GRK5: variants seen among roughly 807,000 people sequenced by gnomAD.
GRK5 encodes the protein g protein-coupled receptor kinase GRK5.
A neutral mutation model predicts 78.4 loss-of-function variants in GRK5; 40 were observed. The observed-to-expected ratio is 0.51, with a 90% CI of 0.40 to 0.66. The LOEUF is 0.66. Ranked by LOEUF, GRK5 falls within the 30% of genes least tolerant of loss-of-function variation. GRK5 has a pLI of 0.00. For synonymous variants in GRK5, 289 were observed against 296.8 expected, an observed-to-expected ratio of 0.97 and a Z score of 0.27; for missense variants, 598 against 759.9, an observed-to-expected ratio of 0.79 and a Z score of 2.50.
chr10:119,350,281 A>C (rs1292107055), intron 2 of GRK5, among the ~76,000 whole-genome samples: 1 of 152,340 alleles, frequency 6.6e-6, no homozygotes, highest in Admixed American at 6.5e-5. Flanking sequence ...TCAGTGCGGC[A>C]TTTAGCCATG....
chr10:119,429,323 G>T (rs879292124), intron 6 of GRK5, among the ~76,000 whole-genome samples: 1 of 151,592 alleles, frequency 6.6e-6, no homozygotes, highest in Non-Finnish European at 1.5e-5. Flanking sequence ...GGTGACTGAA[G>T]GCTCCCTGGT....
chr10:119,295,874 A>G (rs1245063068), intron 1 of GRK5, among the ~76,000 whole-genome samples: 3 of 152,182 alleles, frequency 2.0e-5, no homozygotes, highest in Non-Finnish European at 4.4e-5. Flanking sequence ...TGGGTGCGCC[A>G]GAATCTCACA....
chr10:119,393,878 G>T (rs919614171), intron 3 of GRK5, among the ~76,000 whole-genome samples: 4 of 152,136 alleles, frequency 2.6e-5, no homozygotes, highest in Admixed American at 6.6e-5. Flanking sequence ...GTCTGTGTGT[G>T]GGTGTCTGTA....
At chr10:119,382,816 A>AT (rs1851734802) in intron 3 of GRK5, among the ~76,000 whole-genome samples, 1 of 152,082 alleles carries the variant, frequency 6.6e-6, no homozygotes, top group Admixed American at 6.6e-5. Flanking sequence ...ATAACCATCC[A>AT]TCCCCCTTTG....
In GRK5 at chr10:119,445,165, G is replaced by C. The variant is rs537879555; in HGVS notation, c.1266+1413G>C. On this transcript the variant is annotated intron_variant, in intron 12 of 15. Coordinates refer to ENST00000392870, the MANE Select transcript of GRK5 (RefSeq NM_005308.3). The surrounding 1 kb of genome is among the most constrained non-coding windows in gnomAD (Gnocchi z 4.1). ...TGGTCATCGCAGCCAGGGCTAGGGTGGGGGGACCGGAGGAGCAGTGCAGCA... is the reference window on the plus strand; with the variant it reads ...TGGTCATCGCAGCCAGGGCTAGGGTCGGGGGACCGGAGGAGCAGTGCAGCA... Among the ~76,000 whole-genome samples, 26 of 152,306 alleles carry C rather than the reference G, an allele frequency of 1.7e-4. No individual in the cohort carries two copies. Among genetic ancestry groups the C allele is most frequent in the East Asian group, 1.2e-3 (6 of 5,186 alleles).
At chr10:119,419,240 C>A (rs1365684794) in intron 4 of GRK5, among the ~76,000 whole-genome samples, 2 of 152,232 alleles carry the variant, frequency 1.3e-5, no homozygotes, top group African/African-American at 4.8e-5. Context: ...CCCCAGAGCC[C>A]TCTGAGCTTC....
chr10:119,332,453 G>T (rs1226501248), intron 2 of GRK5, among the ~76,000 whole-genome samples: 1 of 152,174 alleles, frequency 6.6e-6, no homozygotes, highest in Non-Finnish European at 1.5e-5. Flanking sequence ...GAGCTTTTCA[G>T]ATATCTGCAA....
At chr10:119,242,613 C>T (rs1456849454) in intron 1 of GRK5, among the ~76,000 whole-genome samples, 1 of 150,882 alleles carries the variant, frequency 6.6e-6, no homozygotes, top group Non-Finnish European at 1.5e-5. Context: ...TGAATTGTAA[C>T]CCCCATAATC....
At chr10:119,442,902 A>T (rs1853066544) in intron 11 of GRK5, among the ~76,000 whole-genome samples, 1 of 152,078 alleles carries the variant, frequency 6.6e-6, no homozygotes, top group Non-Finnish European at 1.5e-5. Flanking sequence ...GGGCGGGTGG[A>T]TGGATGGTTG....
intron 1 of GRK5, among the ~76,000 whole-genome samples, chr10:119,279,581 TC>T (rs1849726185): frequency 6.6e-6 from 1 of 152,172 alleles, no homozygotes; most frequent in African/African-American, 2.4e-5. Flanking sequence ...GGCTCCTCAT[TC>T]CTGTTGATGG....
intron 3 of GRK5, among the ~76,000 whole-genome samples, chr10:119,382,905 G>A (rs1431047090): frequency 6.6e-6 from 1 of 151,768 alleles, no homozygotes; most frequent in Admixed American, 6.6e-5. Context: ...CATTTAACAG[G>A]CTCCTCTATA....
intron 2 of GRK5, among the ~76,000 whole-genome samples, chr10:119,335,192 C>T (rs1380366671): frequency 7.4e-6 from 1 of 135,952 alleles, no homozygotes; most frequent in Non-Finnish European, 1.6e-5. Flanking sequence ...CTCCCTCTCC[C>T]CCCACCTCCT....
At position 119,379,338 on chromosome 10, in the gene GRK5, A is replaced by T. The variant is rs910733316; in HGVS notation, c.149-1477A>T. ...TGAGCGATGGGCTGGGATTCAAACC[A>T]AGGCAGTTTAGCTCCAGAGCCCACA... On this transcript the variant is annotated intron_variant, in intron 2 of 15. Coordinates refer to ENST00000392870, the MANE Select transcript of GRK5 (RefSeq NM_005308.3). The surrounding 1 kb of genome is among the most constrained non-coding windows in gnomAD (Gnocchi z 4.1). Among the ~76,000 whole-genome samples the T allele has an allele frequency of 2.0e-5, 3 of 152,114 alleles. No homozygotes were observed. Among genetic ancestry groups the T allele is most frequent in the Admixed American group, 2.0e-4 (3 of 15,268 alleles).
At chr10:119,382,601 T>G (rs988309860) in intron 3 of GRK5, among the ~76,000 whole-genome samples, 13 of 152,192 alleles carry the variant, frequency 8.5e-5, no homozygotes, top group Admixed American at 1.3e-4. Context: ...TATTATCTCA[T>G]CTGTGAACTT....
At chr10:119,371,216 G>A (rs988962936) in intron 2 of GRK5, among the ~76,000 whole-genome samples, 2 of 152,190 alleles carry the variant, frequency 1.3e-5, no homozygotes, top group East Asian at 1.9e-4. Context: ...GCTTCTCCCC[G>A]CTCCCCGTCC....
At chr10:119,239,172 C>G (rs1848979344) in intron 1 of GRK5, among the ~76,000 whole-genome samples, 1 of 151,428 alleles carries the variant, frequency 6.6e-6, no homozygotes, top group Admixed American at 6.6e-5. Context: ...CATGCTGGGG[C>G]TTCGGGATAA....
intron 12 of GRK5, 83 bp from the exon 13 acceptor site, chr10:119,448,025 CTTGGGTTCCTAGGCA>C: frequency 7.1e-7 from 1 of 1,404,550 alleles, no homozygotes; most frequent in Non-Finnish European, 9.4e-7. Context: ...GGCAGCGTGT[CTTGGGTTCCTAGGCA>C]TGGTGCAGAC....
At chr10:119,236,568 C>T (rs1042649745) in intron 1 of GRK5, among the ~76,000 whole-genome samples, 1 of 152,160 alleles carries the variant, frequency 6.6e-6, no homozygotes, top group Non-Finnish European at 1.5e-5. Context: ...TGATTTAAGA[C>T]TTCTTTTAGA....
At chr10:119,299,879 T>C (rs1222346649) in intron 1 of GRK5, among the ~76,000 whole-genome samples, 6 of 152,142 alleles carry the variant, frequency 3.9e-5, no homozygotes, top group Non-Finnish European at 7.4e-5. Context: ...TTGTTACATA[T>C]GTATACATGT....
Sources: allele counts gnomAD v4.1 joint callset (sites outside exome capture counted in the v4.1 genomes callset), GRCh38; gene constraint gnomAD v4.1.1; non-coding constraint Gnocchi (gnomAD v3.1); transcripts MANE v1.5; gene names NCBI Gene and HGNC (gene_info 2026-07-23, HGNC 2026-07-21).